The following FSTL5 variants were observed in gnomAD, a reference collection of about 807,000 sequenced individuals.
The protein encoded by FSTL5 is follistatin-related protein 5.
A neutral mutation model predicts 89.1 loss-of-function variants in FSTL5; 62 were observed. The ratio of observed to expected loss-of-function variants is 0.70; its 90% CI spans 0.57 to 0.86. FSTL5 has a LOEUF of 0.86. FSTL5 is among the 40% of genes least tolerant of loss of function. The probability of loss-of-function intolerance (pLI) is 0.00; values close to 1 mark genes in which losing one functional copy is unlikely to be tolerated. For synonymous variants in FSTL5, 383 were observed against 346.2 expected (o/e 1.11, Z -1.18); for missense variants, 1,057 against 1,001.6 (o/e 1.06, Z -0.75).
chr4:161,970,195 G>A (rs1434076574), intron 3 of FSTL5, among the ~76,000 whole-genome samples: 2 of 152,116 alleles, frequency 1.3e-5, no homozygotes. Flanking sequence ...TGAAGGTAAT[G>A]AGGACCTGAG....
chr4:161,872,245 A>G (rs1204989411), intron 4 of FSTL5, among the ~76,000 whole-genome samples: 1 of 147,024 alleles, frequency 6.8e-6, no homozygotes, highest in Non-Finnish European at 1.5e-5. Flanking sequence ...TACTGGGATT[A>G]TAGGCATGAG....
At chr4:162,035,482 A>G (rs573211799) in intron 2 of FSTL5, 2 of 152,224 alleles carry the variant, frequency 1.3e-5, no homozygotes, top group East Asian at 3.9e-4. Context: ...GTTACATACA[A>G]GAGTTCTTAG....
chr4:161,629,460 A>T (rs1735425611), intron 7 of FSTL5, among the ~76,000 whole-genome samples: 1 of 151,858 alleles, frequency 6.6e-6, no homozygotes, highest in Non-Finnish European at 1.5e-5. Context: ...CTCCTGTCTC[A>T]GCCTCCCTGG....
At chr4:161,911,664 G>A (rs548098205) in intron 4 of FSTL5, among the ~76,000 whole-genome samples, 48 of 152,242 alleles carry the variant, frequency 3.2e-4, no homozygotes, top group African/African-American at 1.2e-3. Context: ...ATGCTTTATC[G>A]AAACGAGAGG....
chr4:161,575,536 C>T (rs1268809485), intron 8 of FSTL5, among the ~76,000 whole-genome samples: 1 of 152,038 alleles, frequency 6.6e-6, no homozygotes, highest in East Asian at 1.9e-4. Context: ...TCACTGAAAC[C>T]TCTGCCCCCT....
At chr4:161,877,799 C>T (rs998195673) in intron 4 of FSTL5, among the ~76,000 whole-genome samples, 2 of 151,896 alleles carry the variant, frequency 1.3e-5, no homozygotes, top group African/African-American at 4.8e-5. Context: ...GCACTCCAGC[C>T]TGGGCGACAG....
intron 2 of FSTL5, among the ~76,000 whole-genome samples, chr4:162,110,015 A>C (rs1043917916): frequency 1.3e-5 from 2 of 152,010 alleles, no homozygotes; most frequent in East Asian, 1.9e-4. Context: ...GATAATTGAA[A>C]AGTGGTAGGT....
intron 15 of FSTL5, among the ~76,000 whole-genome samples, chr4:161,446,795 C>T (rs576222202): frequency 6.6e-6 from 1 of 151,960 alleles, no homozygotes; most frequent in Non-Finnish European, 1.5e-5. Context: ...CGTATCTTAA[C>T]TTCTGACATA....
At chr4:161,453,805 G>T (rs908019055) in intron 15 of FSTL5, among the ~76,000 whole-genome samples, 4 of 152,110 alleles carry the variant, frequency 2.6e-5, no homozygotes, top group African/African-American at 4.8e-5. Flanking sequence ...TGTTGCCCAG[G>T]CTGGTTTCGA....
chr4:161,868,314 T>G (rs1225224186), intron 4 of FSTL5, among the ~76,000 whole-genome samples: 1 of 152,194 alleles, frequency 6.6e-6, no homozygotes, highest in Non-Finnish European at 1.5e-5. Context: ...ATCAGTATTG[T>G]ACTAATCAAA....
At chr4:162,082,342 T>C (rs191507386) in intron 2 of FSTL5, among the ~76,000 whole-genome samples, 167 of 151,854 alleles carry the variant, frequency 1.1e-3, no homozygotes, top group Admixed American at 3.1e-3. Flanking sequence ...TTGCTGGTAT[T>C]TCCTATTATT....
chr4:161,640,312 T>C lies in FSTL5; in HGVS notation c.894+16016A>G, dbSNP rs140119574. Among the ~76,000 whole-genome samples the C allele has an allele frequency of 6.5e-4, 99 of 152,058 alleles. 4 individuals carry two copies. In the East Asian group the frequency reaches 0.018, roughly 27 times the overall value. On this transcript the variant is annotated intron_variant, in intron 7 of 15. Transcript: ENST00000306100. Reference sequence around the variant, plus strand: ...GCCTGGCCCATTCAAAGGAAAAGAGTAAATCAACAGAAACTGTCCCTGAAG... The same window carrying C: ...GCCTGGCCCATTCAAAGGAAAAGAGCAAATCAACAGAAACTGTCCCTGAAG...
At chr4:161,778,418 C>T (rs939386191) in intron 4 of FSTL5, among the ~76,000 whole-genome samples, 4 of 152,176 alleles carry the variant, frequency 2.6e-5, no homozygotes, top group South Asian at 2.1e-4. Flanking sequence ...AGAGCATGTA[C>T]AATTTTAAAA....
At chr4:161,608,292 A>G (rs369184134) in intron 7 of FSTL5, among the ~76,000 whole-genome samples, 26 of 152,244 alleles carry the variant, frequency 1.7e-4, no homozygotes, top group African/African-American at 6.3e-4. Flanking sequence ...ATGGGAATAA[A>G]CTTTTTAAAG....
At chr4:161,926,658 G>A (rs183289308) in intron 3 of FSTL5, among the ~76,000 whole-genome samples, 45 of 151,634 alleles carry the variant, frequency 3.0e-4, no homozygotes, top group Middle Eastern at 3.4e-3. Context: ...GCAGAACAGA[G>A]TGTGATGCAA....
At chr4:161,786,611 C>G (rs185247931) in intron 4 of FSTL5, among the ~76,000 whole-genome samples, 163 of 152,140 alleles carry the variant, frequency 1.1e-3, no homozygotes, top group African/African-American at 3.3e-3. Context: ...AATCTTTGTC[C>G]CTCCAGAAAA....
At chr4:161,833,439 T>C in intron 4 of FSTL5, among the ~76,000 whole-genome samples, 1 of 112,966 alleles carries the variant, frequency 8.9e-6, no homozygotes, top group East Asian at 2.6e-4. Flanking sequence ...GTATCCTTGT[T>C]AACTTTCTGT....
In FSTL5 at chr4:161,615,325, G is replaced by C. The variant is rs1466847357; in HGVS notation, c.895-27750C>G. On this transcript the variant is annotated intron_variant, in intron 7 of 15. Coordinates refer to ENST00000306100, the MANE Select transcript of FSTL5 (RefSeq NM_020116.5). ...AAAAAAAAAAAAAAAAATTAGCTGG[G>C]CATGGTGGCAGGCGCCAGTAGTCCC... Among the ~76,000 whole-genome samples the C allele has an allele frequency of 1.3e-4, 12 of 91,566 alleles. 1 individual carries two copies. In the South Asian group the frequency reaches 1.8e-3, roughly 14 times the overall value. 60.1% of individuals were successfully genotyped at this position (91,566 alleles called of 152,430 possible).
intron 4 of FSTL5, among the ~76,000 whole-genome samples, chr4:161,804,862 C>A (rs962949893): frequency 9.2e-5 from 14 of 151,994 alleles, no homozygotes; most frequent in African/African-American, 3.4e-4. Flanking sequence ...TCCTTAAGGT[C>A]TGAAACAACA....
Sources: gnomAD v4.1 joint callset for allele counts (sites outside exome capture counted in the v4.1 genomes callset) on GRCh38, gnomAD v4.1.1 for gene constraint, MANE v1.5 for transcripts, NCBI Gene and HGNC (gene_info 2026-07-23, HGNC 2026-07-21) for gene names.